ATP10B: variants seen among roughly 807,000 people sequenced by gnomAD.
The protein encoded by ATP10B is phospholipid-transporting ATPase VB.
ATP10B carries 122 observed loss-of-function variants against 141.2 expected under a neutral mutation model. The observed-to-expected ratio is 0.86, with a 90% CI of 0.75 to 1.00. ATP10B has a LOEUF of 1.00. ATP10B is among the 50% of genes least tolerant of loss of function. The pLI is 0.00. For missense variants in ATP10B, 1,876 were observed against 1,825.3 expected (o/e 1.03, Z -0.51); for synonymous variants, 685 against 692.0 (o/e 0.99, Z 0.16).
intron 13 of ATP10B, 92 bp downstream of exon 13, chr5:160,632,037 G>A: frequency 3.3e-6 from 4 of 1,198,454 alleles, no homozygotes; most frequent in Non-Finnish European, 2.4e-6. Context: ...GCTCTTCAGG[G>A]TTTGTACAAT....
chr5:160,801,451 A>G (rs1772364639), intron 1 of ATP10B, among the ~76,000 whole-genome samples: 1 of 152,162 alleles, frequency 6.6e-6, no homozygotes, highest in Admixed American at 6.5e-5. Flanking sequence ...CTTACTACAA[A>G]ATGGCAATCA....
In ATP10B at chr5:160,612,840, G is replaced by A. The variant is rs773987442; in HGVS notation, c.2739C>T (p.Val913=). 2.5e-6 allele frequency: 4 copies of A among 1,613,982 alleles called. No homozygotes were observed. The highest frequency in any genetic ancestry group is 1.3e-5 in the African/African-American group (1 of 74,906). Residue 913 remains valine, a synonymous_variant, in exon 18 of 26, where the codon GTC becomes GTT. Coordinates refer to ENST00000327245, the MANE Select transcript of ATP10B (RefSeq NM_025153.3). The part of the protein sequence containing the change: ...TLREAGIQLW[V]LTGDKQETAV... ...CTGTCTCCTGCTTATCTCCAGTCAG[G>A]ACCCAGAGCTGGATCCCAGCCTCCC...
At chr5:160,734,125 A>G (rs1429008750) in intron 2 of ATP10B, among the ~76,000 whole-genome samples, 1 of 150,782 alleles carries the variant, frequency 6.6e-6, no homozygotes. Context: ...AAAAAAAAAA[A>G]AAAGGAATGA....
chr5:160,683,604 G>A (rs1200323281), intron 6 of ATP10B, among the ~76,000 whole-genome samples: 1 of 152,206 alleles, frequency 6.6e-6, no homozygotes, highest in African/African-American at 2.4e-5. Context: ...ATTCTAACAA[G>A]GACCAGAGCC....
intron 23 of ATP10B, among the ~76,000 whole-genome samples, chr5:160,590,016 G>A (rs944253420): frequency 1.3e-5 from 2 of 152,176 alleles, no homozygotes; most frequent in African/African-American, 4.8e-5. Context: ...CCTACAATGA[G>A]TTTAGTCTAT....
At chr5:160,900,967 A>G in the ATP10B span, among the ~76,000 whole-genome samples, 1 of 129,788 alleles carries the variant, frequency 7.7e-6, no homozygotes, top group South Asian at 2.7e-4. Flanking sequence ...TCTGACTAGC[A>G]GGTGGCGCCT....
At chr5:160,826,346 G>A (rs751668689) in intron 1 of ATP10B, among the ~76,000 whole-genome samples, 3 of 152,108 alleles carry the variant, frequency 2.0e-5, no homozygotes, top group Non-Finnish European at 2.9e-5. Flanking sequence ...TGGAGCCATG[G>A]CAGAGGAACG....
chr5:160,843,285 G>T (rs1775917696), intron 1 of ATP10B, among the ~76,000 whole-genome samples: 1 of 152,122 alleles, frequency 6.6e-6, no homozygotes, highest in African/African-American at 2.4e-5. Flanking sequence ...GTGAGTTGGG[G>T]ATATGTTTAG....
intron 9 of ATP10B, among the ~76,000 whole-genome samples, chr5:160,642,596 C>A (rs944641172): frequency 6.6e-6 from 1 of 152,118 alleles, no homozygotes; most frequent in Non-Finnish European, 1.5e-5. Context: ...AGGACAGCCC[C>A]CGTCACAAAG....
chr5:160,617,959 T>C lies in ATP10B; in HGVS notation c.2431A>G (p.Met811Val), dbSNP rs747099980. ...CGGATTTTTCTCAGCTTCTTTTCCA[T>C]ATTAATGTCAGGTACTGTCAAATAG... Reference protein sequence around the residue: ...EDPACVPDINMEKKLRKIRAR... With the variant: ...EDPACVPDINVEKKLRKIRAR... The change falls in exon 16 of 26, where the codon ATG becomes GTG. Residue 811 changes from methionine (M) to valine (V), a missense_variant. Met to Val is a conservative substitution (Grantham distance 21, BLOSUM62 1). Transcript: ENST00000327245. 1.1e-5 allele frequency: 18 copies of C among 1,613,992 alleles called. No individual in the cohort carries two copies. Among genetic ancestry groups the C allele is most frequent in the South Asian group, 9.9e-5 (9 of 91,088 alleles).
chr5:160,911,594 T>C, the ATP10B span, among the ~76,000 whole-genome samples: 6 of 152,342 alleles, frequency 3.9e-5, no homozygotes, highest in African/African-American at 1.2e-4. Flanking sequence ...ATTGAAACTT[T>C]ACCCCAAGCA....
the ATP10B span, among the ~76,000 whole-genome samples, chr5:160,927,186 T>C: frequency 6.6e-6 from 1 of 152,164 alleles, no homozygotes; most frequent in Non-Finnish European, 1.5e-5. Flanking sequence ...ATCTTAAAAA[T>C]GAATGACACC....
chr5:160,653,070 A>G (rs1159459821), intron 7 of ATP10B, among the ~76,000 whole-genome samples: 1 of 119,124 alleles, frequency 8.4e-6, no homozygotes, highest in East Asian at 2.3e-4. Context: ...ATATTTATGT[A>G]TATATAGTGT....
chr5:160,602,663 G>C lies in ATP10B; in HGVS notation c.3277C>G (p.His1093Asp). Residue 1093 changes from histidine (H) to aspartate (D), a missense_variant, in exon 21 of 26, where the codon CAT (histidine) becomes GAT (aspartate). Transcript: ENST00000327245. ...TGCACGAGCAGCAACTTCTTGAGAT[G>C]CTTAAAGCGGGTGATGGCAAAGTCG... ...SSDFAITRFK[H>D]LKKLLLVHGH... 6.2e-7 allele frequency: 1 copy of C among 1,614,078 alleles called. No homozygotes were observed. The highest frequency in any genetic ancestry group is 2.2e-5 in the East Asian group (1 of 44,874).
chr5:160,708,930 A>T (rs993963096), intron 3 of ATP10B, among the ~76,000 whole-genome samples: 1 of 152,342 alleles, frequency 6.6e-6, no homozygotes, highest in East Asian at 1.9e-4. Flanking sequence ...GATAGCAAGC[A>T]GACAAATGAT....
intron 24 of ATP10B, among the ~76,000 whole-genome samples, chr5:160,586,993 G>A (rs1394792497): frequency 6.6e-6 from 1 of 152,084 alleles, no homozygotes; most frequent in African/African-American, 2.4e-5. Flanking sequence ...TGTTGCAATT[G>A]CTTTTGGTGT....
chr5:160,870,416 A>T, the ATP10B span, among the ~76,000 whole-genome samples: 1 of 152,116 alleles, frequency 6.6e-6, no homozygotes, highest in Non-Finnish European at 1.5e-5. Context: ...CAATAAAAAA[A>T]AAACCCCACA....
chr5:160,584,078 GA>G (rs572861538), intron 24 of ATP10B, among the ~76,000 whole-genome samples: 1,856 of 146,682 alleles, frequency 0.013, 13 homozygotes, highest in South Asian at 0.031. Context: ...CTGGGGTATG[GA>G]AAAAAAAAAC....
chr5:160,758,469 T>C (rs1351816634), intron 2 of ATP10B, among the ~76,000 whole-genome samples: 1 of 152,208 alleles, frequency 6.6e-6, no homozygotes, highest in African/African-American at 2.4e-5. Flanking sequence ...TTCATCTCTG[T>C]TCACTGTCCT....
Sources: gnomAD v4.1 joint callset for allele counts (sites outside exome capture counted in the v4.1 genomes callset) on GRCh38, gnomAD v4.1.1 for gene constraint, MANE v1.5 for transcripts, NCBI Gene and HGNC (gene_info 2026-07-23, HGNC 2026-07-21) for gene names.